Variants in PSIP1 observed in about 807,000 individuals in gnomAD.
The protein encoded by PSIP1 is PC4 and SRSF1 interacting protein 1, also known as PC4 and SFRS1-interacting protein.
In PSIP1, 19 loss-of-function variants were observed where a neutral mutation model predicts 74.7. The observed-to-expected ratio is 0.25, with a 90% CI of 0.18 to 0.37. The LOEUF (loss-of-function observed/expected upper bound fraction) is 0.37, where lower values mean the gene tolerates loss of function less well. Among genes scored for constraint, PSIP1 ranks in the 10% least tolerant of loss-of-function variants. The pLI, the probability that PSIP1 is intolerant of heterozygous loss-of-function variation, is 1.00. For missense variants in PSIP1, 601 were observed against 614.3 expected, an observed-to-expected ratio of 0.98 and a Z score of 0.23; for synonymous variants, 222 against 195.3, an observed-to-expected ratio of 1.14 and a Z score of -1.14.
intron 2 of PSIP1, among the ~76,000 whole-genome samples, chr9:15,507,852 C>T (rs2037669447): frequency 6.6e-6 from 1 of 151,590 alleles, no homozygotes. Flanking sequence ...TAAAGGCTTT[C>T]ACACACCAAC....
intron 5 of PSIP1, 143 bp from the exon 6 acceptor site, chr9:15,486,211 C>T (rs1402859025): frequency 3.4e-6 from 2 of 587,286 alleles, no homozygotes; most frequent in East Asian, 5.9e-5. Context: ...AAATTAAAAA[C>T]ATTGTGTCTC....
chr9:15,500,079 A>G (rs1056741360), intron 3 of PSIP1, among the ~76,000 whole-genome samples: 5 of 152,158 alleles, frequency 3.3e-5, no homozygotes, highest in Non-Finnish European at 5.9e-5. Context: ...AATATTTTAT[A>G]TTTTATAATA....
chr9:15,510,277 G>C lies in PSIP1; in HGVS notation c.-89C>G, dbSNP rs911631912. On this transcript the variant is annotated 5_prime_UTR_variant, in exon 2 of 16. Transcript: ENST00000380733. Reference sequence around the variant, plus strand: ...GATGCGGGCGGCGGACGCGGGCCCAGCTACCGGGCCCGCGGGCGGGGGAGG... The same window carrying C: ...GATGCGGGCGGCGGACGCGGGCCCACCTACCGGGCCCGCGGGCGGGGGAGG... The C allele has an allele frequency of 9.3e-6, 11 of 1,183,162 alleles. No individual in the cohort carries two copies. In the African/African-American group the frequency reaches 1.3e-4, roughly 14 times the overall value. 73.3% of individuals were successfully genotyped at this position (1,183,162 alleles called of 1,614,324 possible).
chr9:15,484,973 A>G (rs2036497896), intron 6 of PSIP1, among the ~76,000 whole-genome samples: 1 of 151,580 alleles, frequency 6.6e-6, no homozygotes, highest in African/African-American at 2.4e-5. Flanking sequence ...AGTCCCAGCT[A>G]TTAGGGAGGG....
At chr9:15,472,541 C>T in intron 10 of PSIP1, 91 bp downstream of exon 10, 3 of 1,492,688 alleles carry the variant, frequency 2.0e-6, no homozygotes, top group East Asian at 4.9e-5. Flanking sequence ...CAAAAGGCTT[C>T]ATAAAGTCTG....
At chr9:15,498,163 C>G (rs2037171993) in intron 3 of PSIP1, among the ~76,000 whole-genome samples, 2 of 152,134 alleles carry the variant, frequency 1.3e-5, no homozygotes, top group Non-Finnish European at 2.9e-5. Flanking sequence ...TAACCCCAGC[C>G]CCAGCACTTT....
intron 14 of PSIP1, among the ~76,000 whole-genome samples, chr9:15,467,988 C>A (rs919525563): frequency 2.0e-5 from 3 of 151,990 alleles, no homozygotes; most frequent in Non-Finnish European, 4.4e-5. Context: ...GGTGTGGTGG[C>A]GTATGCCTGT....
chr9:15,510,268 G>GCGGGCCCAGCTAC lies in PSIP1; in HGVS notation c.-93_-81dup. On this transcript the variant is annotated 5_prime_UTR_variant, in exon 2 of 16. Coordinates refer to ENST00000380733, the MANE Select transcript of PSIP1 (RefSeq NM_033222.5). ...CGGCGCGGGGATGCGGGCGGCGGACGCGGGCCCAGCTACCGGGCCCGCGGG... is the reference window on the plus strand; with the variant it reads ...CGGCGCGGGGATGCGGGCGGCGGACGCGGGCCCAGCTACCGGGCCCAGCTACCGGGCCCGCGGG... 1 of 1,344,726 alleles carries GCGGGCCCAGCTAC rather than the reference G, an allele frequency of 7.4e-7. No individual in the cohort carries two copies. Among genetic ancestry groups the GCGGGCCCAGCTAC allele is most frequent in the Non-Finnish European group, 1.0e-6 (1 of 973,154 alleles). The allele number at this position is 1,344,726 out of a possible 1,614,324, so 83.3% of individuals were successfully genotyped here.
chr9:15,486,108 T>G, intron 5 of PSIP1, 40 bp from the exon 6 acceptor site: 1 of 1,474,576 alleles, frequency 6.8e-7, no homozygotes, highest in South Asian at 1.2e-5. Flanking sequence ...GAATAAATTA[T>G]TCCAGGAATG....
rs763454077 is a variant in PSIP1, at chr9:15,506,676, A to G, written c.73-39T>C. 1.3e-5 allele frequency: 19 copies of G among 1,418,408 alleles called. No individual in the cohort carries two copies. In the African/African-American group the frequency reaches 2.7e-4, roughly 20 times the overall value. 87.9% of individuals were successfully genotyped at this position (1,418,408 alleles called of 1,614,324 possible). A position where few individuals can be genotyped will look rare whatever the true frequency, so the allele number is the denominator to read the frequency against. On this transcript the variant is annotated intron_variant, in intron 2 of 15. Transcript: ENST00000380733. ...GAGAAAAATTAAAATATTTTAAATC[A>G]TACACACCTCAACATTTATCTGAAT...
At chr9:15,469,401 G>T (rs2035748481) in intron 11 of PSIP1, 65 bp from the exon 12 acceptor site, 3 of 995,804 alleles carry the variant, frequency 3.0e-6, no homozygotes, top group Non-Finnish European at 4.5e-6. Flanking sequence ...CTATATACAG[G>T]CTAAGTATAA....
chr9:15,465,499 C>T lies in PSIP1; in HGVS notation c.*21G>A. On this transcript the variant is annotated 3_prime_UTR_variant, in exon 16 of 16. Coordinates refer to ENST00000380733, the MANE Select transcript of PSIP1 (RefSeq NM_033222.5). The stretch of plus-strand genomic sequence containing the variant: ...CCATTACAAACTTCTCAAGTGTTCT[C>T]TATATTCCAGGTATGTCAACCTAGT... 1 of 1,514,174 alleles carries T rather than the reference C, an allele frequency of 6.6e-7. No individual in the cohort carries two copies. The highest frequency in any genetic ancestry group is 9.1e-7 in the Non-Finnish European group (1 of 1,104,954). 93.8% of individuals were successfully genotyped at this position (1,514,174 alleles called of 1,614,324 possible).
At chr9:15,491,067 A>T (rs991181302) in intron 3 of PSIP1, among the ~76,000 whole-genome samples, 2 of 152,240 alleles carry the variant, frequency 1.3e-5, no homozygotes, top group Non-Finnish European at 2.9e-5. Context: ...TCATGAACCA[A>T]TCAATACATA....
rs2035481259 is a variant in PSIP1 at position 15,464,556 on chromosome 9, AAAC to A, written c.*961_*963del. ...TGTATTTTTGGAATCTAGAAAATAA[AAAC>A]AATATAGCCATGATTTCAAATAGGT... On this transcript the variant is annotated 3_prime_UTR_variant, in exon 16 of 16. Transcript: ENST00000380733. 1.0e-5 allele frequency: 2 copies of A among 200,076 alleles called. No homozygotes were observed. The highest frequency in any genetic ancestry group is 2.1e-5 in the Non-Finnish European group (2 of 97,230). 12.4% of individuals were successfully genotyped at this position (200,076 alleles called of 1,614,324 possible).
At chr9:15,468,537 C>T in intron 14 of PSIP1, 93 bp downstream of exon 14, 1 of 1,348,698 alleles carries the variant, frequency 7.4e-7, no homozygotes, top group Non-Finnish European at 1.1e-6. Context: ...GTGGCGTATA[C>T]ACAGTGAAAC....
At chr9:15,499,163 G>C (rs2037215771) in intron 3 of PSIP1, among the ~76,000 whole-genome samples, 1 of 152,142 alleles carries the variant, frequency 6.6e-6, no homozygotes, top group Non-Finnish European at 1.5e-5. Flanking sequence ...GTCTCAACTT[G>C]CAGTGTTCCT....
intron 10 of PSIP1, chr9:15,470,662 T>A (rs1342669215): frequency 1.1e-6 from 1 of 937,754 alleles, no homozygotes. Context: ...AACTTTATTT[T>A]AAAATTTTGG....
intron 10 of PSIP1, chr9:15,470,567 G>T: frequency 1.1e-6 from 1 of 922,086 alleles, no homozygotes; most frequent in Non-Finnish European, 1.3e-6. Context: ...CTAGTACCTT[G>T]GCTTAGAGTT....
intron 2 of PSIP1, among the ~76,000 whole-genome samples, chr9:15,509,024 G>C (rs1404984754): frequency 3.9e-5 from 6 of 152,206 alleles, no homozygotes; most frequent in Non-Finnish European, 5.9e-5. Context: ...CTAGATGGAA[G>C]AAAGTCAAGG....
Sources: allele counts gnomAD v4.1 joint callset (sites outside exome capture counted in the v4.1 genomes callset), GRCh38; gene constraint gnomAD v4.1.1; transcripts MANE v1.5; gene names NCBI Gene and HGNC (gene_info 2026-07-23, HGNC 2026-07-21).